POLD3: variants seen among roughly 807,000 people sequenced by gnomAD.
POLD3 encodes the protein DNA polymerase delta 3, accessory subunit.
Under a neutral mutation model 58.2 loss-of-function variants are expected in POLD3, and 19 were observed. The observed-to-expected ratio is 0.33, with a 90% CI of 0.23 to 0.48. The LOEUF (loss-of-function observed/expected upper bound fraction) is 0.48, where lower values mean the gene tolerates loss of function less well. Ranked by LOEUF, POLD3 falls within the 20% of genes least tolerant of loss-of-function variation. The pLI is 0.99. For synonymous variants in POLD3, 172 were observed against 193.5 expected, an observed-to-expected ratio of 0.89 and a Z score of 0.92; for missense variants, 504 against 545.5, an observed-to-expected ratio of 0.92 and a Z score of 0.76.
chr11:74,645,131 G>T (rs1312228779), downstream of POLD3, among the ~76,000 whole-genome samples: 1 of 152,130 alleles, frequency 6.6e-6, no homozygotes, highest in Non-Finnish European at 1.5e-5. Context: ...TAATAATTTA[G>T]GAATGAATTA....
intron 4 of POLD3, among the ~76,000 whole-genome samples, chr11:74,648,265 C>T (rs1343583514): frequency 6.6e-6 from 1 of 152,192 alleles, no homozygotes; most frequent in Non-Finnish European, 1.5e-5. Context: ...AAGGAAACCA[C>T]ACCAGTGGAC....
At chr11:74,638,281 C>T (rs1302443596) in intron 11 of POLD3, among the ~76,000 whole-genome samples, 1 of 152,058 alleles carries the variant, frequency 6.6e-6, no homozygotes, top group African/African-American at 2.4e-5. Context: ...TTAGTTCTTA[C>T]AGTATACTGA....
chr11:74,607,493 C>T (rs1017872775), intron 3 of POLD3, among the ~76,000 whole-genome samples: 1 of 151,208 alleles, frequency 6.6e-6, no homozygotes, highest in African/African-American at 2.4e-5. Flanking sequence ...GTCTCGATCT[C>T]CTGACCTTGT....
intron 2 of POLD3, among the ~76,000 whole-genome samples, chr11:74,598,489 A>G (rs2031357977): frequency 1.3e-5 from 2 of 152,194 alleles, no homozygotes; most frequent in Admixed American, 6.5e-5. Flanking sequence ...ACATCATTTT[A>G]TTATGCGCAT....
intron 2 of POLD3, among the ~76,000 whole-genome samples, chr11:74,601,124 T>G (rs1484873116): frequency 3.3e-5 from 5 of 152,318 alleles, no homozygotes; most frequent in Non-Finnish European, 7.3e-5. Context: ...GGACAATGAC[T>G]GATGATATGG....
intron 11 of POLD3, chr11:74,638,798 A>T: frequency 2.4e-6 from 1 of 416,830 alleles, no homozygotes; most frequent in Non-Finnish European, 4.8e-6. Context: ...CAGGAGTGGG[A>T]ACTGAGAGTG....
chr11:74,656,017 T>C (rs2033129205), intron 4 of POLD3, among the ~76,000 whole-genome samples: 1 of 152,218 alleles, frequency 6.6e-6, no homozygotes, highest in Non-Finnish European at 1.5e-5. Flanking sequence ...CAAGATTCAA[T>C]CTTTTGTATA....
chr11:74,600,508 G>A (rs1327563096), intron 2 of POLD3, among the ~76,000 whole-genome samples: 1 of 151,652 alleles, frequency 6.6e-6, no homozygotes, highest in Non-Finnish European at 1.5e-5. Context: ...GCCAGCGTGT[G>A]CCTGTAGTCC....
At chr11:74,603,752 G>C (rs931320222) in intron 2 of POLD3, among the ~76,000 whole-genome samples, 1 of 152,144 alleles carries the variant, frequency 6.6e-6, no homozygotes, top group African/African-American at 2.4e-5. Context: ...TTCAAGAAGA[G>C]AGTGAACAGC....
Position 74,612,893 on chromosome 11 carries a change from TAGCTGTGACTGCC to T in POLD3, c.279_291del (p.Val94SerfsTer11). 1 of 1,612,958 alleles carries T rather than the reference TAGCTGTGACTGCC, an allele frequency of 6.2e-7. No homozygotes were observed. Reference sequence around the variant, plus strand: ...TGACTTGTAGCAGTGAAGTCCAAGCTAGCTGTGACTGCCAGCATCCATGTGTACAGCATCCAGA... The same window carrying T: ...TGACTTGTAGCAGTGAAGTCCAAGCTAGCATCCATGTGTACAGCATCCAGA... On this transcript the variant is annotated frameshift_variant, in exon 5 of 12. Coordinates refer to ENST00000263681, the MANE Select transcript of POLD3 (RefSeq NM_006591.3). LOFTEE classifies it high-confidence loss of function.
intron 11 of POLD3, among the ~76,000 whole-genome samples, chr11:74,637,906 A>G (rs1192376385): frequency 6.6e-6 from 1 of 151,458 alleles, no homozygotes; most frequent in African/African-American, 2.4e-5. Context: ...CTCTGCTCAG[A>G]CTGTTCCAAA....
intron 3 of POLD3, among the ~76,000 whole-genome samples, chr11:74,609,595 C>T (rs774945202): frequency 2.0e-5 from 3 of 151,354 alleles, no homozygotes; most frequent in Non-Finnish European, 2.9e-5. Context: ...CTCGGCCAGG[C>T]TGATCTTGAA....
chr11:74,634,369 T>C lies in POLD3; in HGVS notation c.1007-214T>C, dbSNP rs536727929. ...AATATTTAGCTAAGATACTTCCGGC[T>C]GTAATAATTCTTGATTCTCTGATTT... On this transcript the variant is annotated intron_variant, in intron 9 of 11. Transcript: ENST00000263681. Among the ~76,000 whole-genome samples, 7 of 152,366 alleles carry C rather than the reference T, an allele frequency of 4.6e-5. No individual in the cohort carries two copies. In the South Asian group the frequency reaches 1.0e-3, roughly 23 times the overall value.
rs1405279797 is a variant in POLD3, at chr11:74,625,869, A to AG, written c.899+297dup. On this transcript the variant is annotated intron_variant, in intron 8 of 11. Transcript: ENST00000263681. ...TTGTGGACATGGCATAAGTGTGCCT[A>AG]GTTGTGTGTGTGTGTGTGTGTGTGT... Among the ~76,000 whole-genome samples the AG allele has an allele frequency of 3.8e-4, 22 of 57,750 alleles. No individual in the cohort carries two copies. In the East Asian group the frequency reaches 7.4e-3, roughly 19 times the overall value. The allele number at this position is 57,750 out of a possible 152,430, so 37.9% of individuals were successfully genotyped here. A position where few individuals can be genotyped will look rare whatever the true frequency, so the allele number is the denominator to read the frequency against.
chr11:74,628,955 A>G (rs1299884485), intron 8 of POLD3: 1 of 281,766 alleles, frequency 3.5e-6, no homozygotes, highest in Non-Finnish European at 6.6e-6. Context: ...GAATTTGGAA[A>G]GATTCTTGAT....
downstream of POLD3, among the ~76,000 whole-genome samples, chr11:74,646,870 C>G (rs539858001): frequency 4.6e-5 from 7 of 152,338 alleles, no homozygotes; most frequent in African/African-American, 1.7e-4. Flanking sequence ...GTGAAGATTA[C>G]ATAAACATAG....
At chr11:74,616,638 T>A (rs1226094156) in intron 5 of POLD3, among the ~76,000 whole-genome samples, 1 of 152,242 alleles carries the variant, frequency 6.6e-6, no homozygotes, top group Non-Finnish European at 1.5e-5. Context: ...TGTTCTTAAC[T>A]CTGATGCATA....
In POLD3 at chr11:74,605,062, TC is replaced by T. The variant is rs1480812348; in HGVS notation, c.219+270del. The stretch of plus-strand genomic sequence containing the variant: ...CTGTTATTCCCTATATCTCTTTTTT[TC>T]CTCTTGAAGGTATATGGAGAACAAT... On this transcript the variant is annotated intron_variant, in intron 3 of 11. Coordinates refer to ENST00000263681, the MANE Select transcript of POLD3 (RefSeq NM_006591.3). Among the ~76,000 whole-genome samples the T allele has an allele frequency of 3.9e-5, 6 of 152,354 alleles. No homozygotes were observed. In the East Asian group the frequency reaches 1.2e-3, roughly 29 times the overall value.
At chr11:74,625,331 A>C in intron 7 of POLD3, 77 bp from the exon 8 acceptor site, 1 of 1,206,816 alleles carries the variant, frequency 8.3e-7, no homozygotes, top group Admixed American at 2.2e-5. Context: ...TACCTGGCAC[A>C]TGGTAGACTG....
Sources: gnomAD v4.1 joint callset for allele counts (sites outside exome capture counted in the v4.1 genomes callset) on GRCh38, gnomAD v4.1.1 for gene constraint, MANE v1.5 for transcripts, NCBI Gene and HGNC (gene_info 2026-07-23, HGNC 2026-07-21) for gene names.